MAP2K5: variants seen among roughly 807,000 people sequenced by gnomAD.
MAP2K5 encodes the protein mitogen-activated protein kinase kinase 5, also known as dual specificity mitogen-activated protein kinase kinase 5.
A neutral mutation model predicts 83.1 loss-of-function variants in MAP2K5; 49 were observed. The observed-to-expected ratio is 0.59, with a 90% confidence interval of 0.47 to 0.75. The LOEUF is 0.75. Ranked by LOEUF, MAP2K5 falls within the 30% of genes least tolerant of loss-of-function variation. The pLI is 0.00. For missense variants in MAP2K5, 457 were observed against 557.5 expected (o/e 0.82, Z 1.82); for synonymous variants, 202 against 191.8 (o/e 1.05, Z -0.44).
intron 13 of MAP2K5, among the ~76,000 whole-genome samples, chr15:67,680,531 G>A (rs1389061739): frequency 1.3e-5 from 2 of 152,172 alleles, no homozygotes; most frequent in East Asian, 3.8e-4. Flanking sequence ...ATAGCTTTAT[G>A]TTTAAGTTTT....
intron 7 of MAP2K5, among the ~76,000 whole-genome samples, chr15:67,593,459 C>G (rs893071331): frequency 5.9e-5 from 9 of 152,182 alleles, no homozygotes; most frequent in Non-Finnish European, 1.2e-4. Flanking sequence ...GACTGGCCAT[C>G]TAAAGCTGAA....
intron 8 of MAP2K5, among the ~76,000 whole-genome samples, chr15:67,622,559 T>G (rs1247003439): frequency 6.6e-6 from 1 of 151,156 alleles, no homozygotes; most frequent in African/African-American, 2.4e-5. Context: ...ACTATCCAGG[T>G]GATTATTTTT....
intron 8 of MAP2K5, among the ~76,000 whole-genome samples, chr15:67,604,715 T>A (rs2085740491): frequency 6.6e-6 from 1 of 151,862 alleles, no homozygotes; most frequent in Non-Finnish European, 1.5e-5. Flanking sequence ...GCCAACATAG[T>A]GAAACCCCGA....
chr15:67,687,290 A>G (rs763253894), intron 13 of MAP2K5, among the ~76,000 whole-genome samples: 1 of 152,222 alleles, frequency 6.6e-6, no homozygotes, highest in Non-Finnish European at 1.5e-5. Context: ...AGTCTGGAGT[A>G]GAACACAAAA....
rs1430238533 is a variant in MAP2K5 at position 67,720,755 on chromosome 15, T to C, written c.1045-7161T>C. ...GTAATTAGTGTATTTTATGGGCCTT[T>C]GCTTCAGTGGCTCGAAAGCACATAT... On this transcript the variant is annotated intron_variant, in intron 16 of 21. Transcript: ENST00000178640. This position sits in a 1 kb window ranked among gnomAD's most constrained non-coding sequence, Gnocchi z 5.7. Among the ~76,000 whole-genome samples the C allele has an allele frequency of 6.6e-6, 1 of 152,228 alleles. No homozygotes were observed. The highest frequency in any genetic ancestry group is 2.4e-5 in the African/African-American group (1 of 41,458).
chr15:67,624,622 TGTGTGTGTGTGTGTGTGA>T (rs1205759222), intron 8 of MAP2K5, among the ~76,000 whole-genome samples: 1 of 150,432 alleles, frequency 6.6e-6, no homozygotes, highest in South Asian at 2.2e-4. Flanking sequence ...TGTGTGTGTG[TGTGTGTGTGTGTGTGTGA>T]GTGTGTTTGA....
At position 67,782,803 on chromosome 15, in the gene MAP2K5, C is replaced by T. The variant is rs2090350442; in HGVS notation, c.1242+10051C>T. 6.6e-6 allele frequency among the ~76,000 whole-genome samples: 1 copy of T among 152,194 alleles called. No homozygotes were observed. Among genetic ancestry groups the T allele is most frequent in the Non-Finnish European group, 1.5e-5 (1 of 68,032 alleles). ...GCTGGTTTATGCAGGGCCTGTGGCACCAGCTCTGGACTGGAAAGTCCCTTC... is the reference window on the plus strand; with the variant it reads ...GCTGGTTTATGCAGGGCCTGTGGCATCAGCTCTGGACTGGAAAGTCCCTTC... On this transcript the variant is annotated intron_variant, in intron 21 of 21. Transcript: ENST00000178640. The surrounding 1 kb of genome is among the most constrained non-coding windows in gnomAD (Gnocchi z 4.9).
chr15:67,605,392 T>C (rs1398779978), intron 8 of MAP2K5, among the ~76,000 whole-genome samples: 1 of 152,210 alleles, frequency 6.6e-6, no homozygotes, highest in African/African-American at 2.4e-5. Flanking sequence ...CACAGAATTA[T>C]AGTTGTGTTG....
chr15:67,619,618 G>A (rs1489875826), intron 8 of MAP2K5, among the ~76,000 whole-genome samples: 4 of 152,212 alleles, frequency 2.6e-5, no homozygotes, highest in African/African-American at 9.6e-5. Flanking sequence ...TTACAGCATA[G>A]TTAGGTAATT....
chr15:67,686,479 C>T (rs771867269), intron 13 of MAP2K5, among the ~76,000 whole-genome samples: 2 of 151,588 alleles, frequency 1.3e-5, no homozygotes, highest in African/African-American at 2.4e-5. Flanking sequence ...TGGTGGCAGG[C>T]GCCTGTAATC....
chr15:67,672,987 T>C (rs531464859), intron 13 of MAP2K5, among the ~76,000 whole-genome samples: 8 of 152,286 alleles, frequency 5.3e-5, no homozygotes, highest in African/African-American at 1.4e-4. Flanking sequence ...TGCGGTGTTA[T>C]TTCTGAGGGC....
intron 4 of MAP2K5, chr15:67,585,641 TTA>T (rs2085272251): frequency 1.1e-5 from 5 of 453,710 alleles, no homozygotes; most frequent in East Asian, 3.6e-5. Flanking sequence ...AACTTGATTT[TTA>T]TATGTTTTAA....
chr15:67,624,397 C>A (rs150991513), intron 8 of MAP2K5, among the ~76,000 whole-genome samples: 3 of 149,690 alleles, frequency 2.0e-5, no homozygotes, highest in Admixed American at 6.6e-5. Flanking sequence ...GCAGTGACTT[C>A]AGAGCCTGTC....
chr15:67,625,039 T>G (rs910219194), intron 8 of MAP2K5, among the ~76,000 whole-genome samples: 3 of 152,172 alleles, frequency 2.0e-5, no homozygotes, highest in Non-Finnish European at 4.4e-5. Flanking sequence ...TTAACCTGGC[T>G]TTTGGGTGCT....
chr15:67,769,711 G>A lies in MAP2K5; in HGVS notation c.1196+48G>A. The A allele has an allele frequency of 6.3e-7, 1 of 1,588,438 alleles. No homozygotes were observed. The highest frequency in any genetic ancestry group is 8.6e-7 in the Non-Finnish European group (1 of 1,157,422). On this transcript the variant is annotated intron_variant, in intron 20 of 21. Transcript: ENST00000178640. The surrounding 1 kb of genome is among the most constrained non-coding windows in gnomAD (Gnocchi z 5.2). ...CATGCCCTCAATGTAAATGATACAT[G>A]CCATTAACTCGGCAGCTCCGTGAGA...
chr15:67,733,509 G>C (rs2089270773), intron 17 of MAP2K5, among the ~76,000 whole-genome samples: 1 of 150,578 alleles, frequency 6.6e-6, no homozygotes, highest in African/African-American at 2.4e-5. Flanking sequence ...CTTTTATTGG[G>C]AAAAAAAAAT....
intron 21 of MAP2K5, among the ~76,000 whole-genome samples, chr15:67,804,182 G>A (rs1007600110): frequency 6.6e-5 from 10 of 152,238 alleles, no homozygotes; most frequent in African/African-American, 2.2e-4. Flanking sequence ...TCCTGCTCTC[G>A]GGTCCTACAC....
At chr15:67,646,503 AT>A in intron 11 of MAP2K5, 34 bp downstream of exon 11, 2 of 1,289,122 alleles carry the variant, frequency 1.6e-6, no homozygotes, top group Non-Finnish European at 1.1e-6. Flanking sequence ...TTTTAAAATG[AT>A]TTTTAGAGTA....
Position 67,778,848 on chromosome 15 carries a change from C to A in MAP2K5, c.1242+6096C>A, listed in dbSNP as rs983938928. On this transcript the variant is annotated intron_variant, in intron 21 of 21. Coordinates refer to ENST00000178640, the MANE Select transcript of MAP2K5 (RefSeq NM_145160.3). This position sits in a 1 kb window ranked among gnomAD's most constrained non-coding sequence, Gnocchi z 5.0. ...GAAGAAAGGTGCATTTCCATAGCCCCCTTAGAGAGTGCTCATCCACCCTGT... is the reference window on the plus strand; with the variant it reads ...GAAGAAAGGTGCATTTCCATAGCCCACTTAGAGAGTGCTCATCCACCCTGT... 1.3e-5 allele frequency among the ~76,000 whole-genome samples: 2 copies of A among 152,116 alleles called. No individual in the cohort carries two copies. Among genetic ancestry groups the A allele is most frequent in the African/African-American group, 4.8e-5 (2 of 41,418 alleles).
Sources: allele counts gnomAD v4.1 joint callset (sites outside exome capture counted in the v4.1 genomes callset), GRCh38; gene constraint gnomAD v4.1.1; non-coding constraint Gnocchi (gnomAD v3.1); transcripts MANE v1.5; gene names NCBI Gene and HGNC (gene_info 2026-07-23, HGNC 2026-07-21).